The following ZFHX2 variants were observed in gnomAD, a reference collection of about 807,000 sequenced individuals.
The protein encoded by ZFHX2 is zinc finger homeobox protein 2.
In ZFHX2, 75 loss-of-function variants were observed where a neutral mutation model predicts 164.8. That is an observed-to-expected ratio of 0.46 (90% CI 0.38 to 0.55). The LOEUF is 0.55. Ranked by LOEUF, ZFHX2 falls within the 20% of genes least tolerant of loss-of-function variation. The pLI, the probability that ZFHX2 is intolerant of heterozygous loss-of-function variation, is 0.00. For synonymous variants in ZFHX2, 1,217 were observed against 1,351.4 expected (o/e 0.90, Z 2.18); for missense variants, 2,933 against 3,308.0 (o/e 0.89, Z 2.78).
At chr14:23,530,632 A>G in intron 4 of ZFHX2, 1 of 354,632 alleles carries the variant, frequency 2.8e-6, no homozygotes, top group Non-Finnish European at 5.5e-6. Flanking sequence ...ATTACCGCTC[A>G]AGTAAGAATT....
chr14:23,523,872 T>C lies in ZFHX2; in HGVS notation c.6070A>G (p.Ser2024Gly), dbSNP rs1421609771. The change falls in exon 9 of 10, where the codon AGT becomes GGT. Residue 2024 changes from serine (S) to glycine (G), a missense_variant. Transcript: ENST00000419474. This position sits in a 1 kb window ranked among gnomAD's most constrained non-coding sequence, Gnocchi z 4.1. ...TCACTCAGATCTCCTGCAGAGAGAC[T>C]GCAAGCCTCACTCTCTGGAGAAGCT... ...PKASPESEAC[S>G]LSAGDLSDSS... 2.0e-6 allele frequency: 3 copies of C among 1,536,186 alleles called. No individual in the cohort carries two copies. The highest frequency in any genetic ancestry group is 1.2e-5 in the South Asian group (1 of 84,064).
At position 23,533,574 on chromosome 14, in the gene ZFHX2, C is replaced by T; in HGVS notation, c.1752G>A (p.Leu584=). ...GCTTCTCAGAGGTCATATGGATGCG[C>T]AGGTTACGGGAGATGTTTGTCTCGT... The part of the protein sequence containing the change: ...CSYETNISRN[L]RIHMTSEKHM... The change falls in exon 2 of 10, where the codon CTG becomes CTA. Residue 584 remains leucine (L), a synonymous_variant. Transcript: ENST00000419474. This position sits in a 1 kb window ranked among gnomAD's most constrained non-coding sequence, Gnocchi z 4.8. The T allele has an allele frequency of 1.3e-6, 2 of 1,536,568 alleles. No homozygotes were observed. The highest frequency in any genetic ancestry group is 8.7e-7 in the Non-Finnish European group (1 of 1,147,008).
At position 23,526,896 on chromosome 14, in the gene ZFHX2, T is replaced by A. The variant is rs1160259601; in HGVS notation, c.3213A>T (p.Glu1071Asp). 1 of 1,534,280 alleles carries A rather than the reference T, an allele frequency of 6.5e-7. No individual in the cohort carries two copies. Among genetic ancestry groups the A allele is most frequent in the Non-Finnish European group, 8.7e-7 (1 of 1,146,238 alleles). ...PTLSPLDNGQEPPTHGPEPTP... is the reference protein window; with the variant it reads ...PTLSPLDNGQDPPTHGPEPTP... ...TAGGCTCTGGCCCATGAGTGGGGGG[T>A]TCTTGGCCATTGTCCAGAGGGCTTA... is the stretch of plus-strand genomic sequence containing the variant. The change falls in exon 8 of 10, where the codon GAA becomes GAT. Residue 1071 changes from glutamate (E) to aspartate (D), a missense_variant. Glu to Asp is a conservative substitution (Grantham distance 45, BLOSUM62 2). Transcript: ENST00000419474.
At chr14:23,544,519 G>T (rs1307111866) in intron 1 of ZFHX2, among the ~76,000 whole-genome samples, 2 of 152,206 alleles carry the variant, frequency 1.3e-5, no homozygotes, top group African/African-American at 4.8e-5. Flanking sequence ...GAAGGTGCTT[G>T]TTCTCCCTGG....
In ZFHX2 at chr14:23,521,726, A is replaced by G. The variant is rs1878017636; in HGVS notation, c.*236T>C. The G allele has an allele frequency of 3.1e-6, 2 of 645,442 alleles. No individual in the cohort carries two copies. The highest frequency in any genetic ancestry group is 4.7e-5 in the South Asian group (2 of 42,880). The allele number at this position is 645,442 out of a possible 1,614,324, so 40.0% of individuals were successfully genotyped here. ...GTGTCTGTGAAGATGGGCAAGGGCT[A>G]CATCTGCAAGGAGCTGAGGAGGAGG... On this transcript the variant is annotated 3_prime_UTR_variant, in exon 10 of 10. Coordinates refer to ENST00000419474, the MANE Select transcript of ZFHX2 (RefSeq NM_033400.3).
In ZFHX2 at chr14:23,522,513, G is replaced by A; in HGVS notation, c.7168C>T (p.Gln2390Ter). Residue 2390 changes from glutamine (Q) to a stop codon, truncating the protein, a stop_gained, in exon 10 of 10, where the codon CAG (glutamine) becomes TAG (stop). Coordinates refer to ENST00000419474, the MANE Select transcript of ZFHX2 (RefSeq NM_033400.3). LOFTEE classifies it high-confidence loss of function. ...TTGGGGAGCAGCCCAATGAGGGTCT[G>A]AGGTATCATGGGGTTCATGGGAAAT... ...GLFPMNPMIPQTLIGLLPNAL... is the reference protein window; with the variant it reads ...GLFPMNPMIP The A allele has an allele frequency of 2.0e-6, 3 of 1,531,702 alleles. No homozygotes were observed. The highest frequency in any genetic ancestry group is 2.6e-6 in the Non-Finnish European group (3 of 1,143,848). The allele number at this position is 1,531,702 out of a possible 1,614,324, so 94.9% of individuals were successfully genotyped here.
chr14:23,521,885 G>A lies in ZFHX2; in HGVS notation c.*77C>T. On this transcript the variant is annotated 3_prime_UTR_variant, in exon 10 of 10. Transcript: ENST00000419474. ...GGCCAGGGGGTGGGGTGAGGGATTTGAGCTCCCACCGAACACCCCTTGGGG... is the reference window on the plus strand; with the variant it reads ...GGCCAGGGGGTGGGGTGAGGGATTTAAGCTCCCACCGAACACCCCTTGGGG... 6.6e-7 allele frequency: 1 copy of A among 1,515,026 alleles called. No homozygotes were observed. Among genetic ancestry groups the A allele is most frequent in the Non-Finnish European group, 8.8e-7 (1 of 1,137,256 alleles). 93.8% of individuals were successfully genotyped at this position (1,515,026 alleles called of 1,614,324 possible). A position where few individuals can be genotyped will look rare whatever the true frequency, so the allele number is the denominator to read the frequency against.
Position 23,533,949 on chromosome 14 carries a change from G to A in ZFHX2, c.1377C>T (p.Asn459=), listed in dbSNP as rs1425806308. The change falls in exon 2 of 10, where the codon AAC becomes AAT. Residue 459 remains asparagine (N), a synonymous_variant. Transcript: ENST00000419474. The surrounding 1 kb of genome is among the most constrained non-coding windows in gnomAD (Gnocchi z 4.8). ...SCKTLKCPKC[N]WHYKYQQTLD... ...GGGTCTGCTGGTACTTGTAGTGCCA[G>A]TTGCACTTGGGACACTTGAGTGTCT... 5 of 1,537,898 alleles carry A rather than the reference G, an allele frequency of 3.3e-6. No homozygotes were observed. Among genetic ancestry groups the A allele is most frequent in the Non-Finnish European group, 4.4e-6 (5 of 1,147,070 alleles).
intron 1 of ZFHX2, among the ~76,000 whole-genome samples, chr14:23,550,142 G>A (rs1023792783): frequency 1.8e-4 from 28 of 152,240 alleles, no homozygotes; most frequent in Admixed American, 2.0e-4. Flanking sequence ...CAGAAGGTGA[G>A]GTTCTGATGA....
Position 23,521,805 on chromosome 14 carries a change from G to T in ZFHX2, c.*157C>A. ...AGGAGGCAGGACTCTGCTGGAAGTG[G>T]GGTGTGTGGTGCCCACTGAGGGTGG... On this transcript the variant is annotated 3_prime_UTR_variant, in exon 10 of 10. Transcript: ENST00000419474. 7.7e-7 allele frequency: 1 copy of T among 1,293,048 alleles called. No homozygotes were observed. Among genetic ancestry groups the T allele is most frequent in the Non-Finnish European group, 1.0e-6 (1 of 970,374 alleles). 80.1% of individuals were successfully genotyped at this position (1,293,048 alleles called of 1,614,324 possible).
chr14:23,531,769 G>A (rs1259154705), intron 3 of ZFHX2, 48 bp from the exon 4 acceptor site: 2 of 1,276,922 alleles, frequency 1.6e-6, no homozygotes, highest in African/African-American at 3.1e-5. Context: ...GGACATGCCA[G>A]ACCTCAGGGG....
In ZFHX2 at chr14:23,535,078, C is replaced by G. The variant is rs1879999566; in HGVS notation, c.248G>C (p.Gly83Ala). 6.5e-7 allele frequency: 1 copy of G among 1,536,114 alleles called. No individual in the cohort carries two copies. Among genetic ancestry groups the G allele is most frequent in the Non-Finnish European group, 8.7e-7 (1 of 1,146,916 alleles). The change falls in exon 2 of 10, where the codon GGT (glycine) becomes GCT (alanine). Residue 83 changes from glycine (G) to alanine (A), a missense_variant. Gly to Ala is a moderately conservative substitution (Grantham distance 60). Coordinates refer to ENST00000419474, the MANE Select transcript of ZFHX2 (RefSeq NM_033400.3). The surrounding 1 kb of genome is among the most constrained non-coding windows in gnomAD (Gnocchi z 4.5). ...CCCTGGGTCATTTGGTGGGAAGTGA[C>G]CACAGTCAGGCCCTTCCTGGGGCTC... ...IGEPQEGPDC[G>A]HFPPNDPGVE... is the part of the protein sequence containing the mutation.
At position 23,531,600 on chromosome 14, in the gene ZFHX2, TG is replaced by T; in HGVS notation, c.2680del (p.His894ThrfsTer30). 1 of 1,526,076 alleles carries T rather than the reference TG, an allele frequency of 6.6e-7. No individual in the cohort carries two copies. Among genetic ancestry groups the T allele is most frequent in the Non-Finnish European group, 8.8e-7 (1 of 1,140,964 alleles). The allele number at this position is 1,526,076 out of a possible 1,614,324, so 94.5% of individuals were successfully genotyped here. ...AVLQHLRTPA[H>X]RDAQAQRRLQ... ...ACGCCTCTGGGCCTGGGCATCGCGGTGGGCAGGTGTGCGCAGGTGTTGCAGC... is the reference window on the plus strand; with the variant it reads ...ACGCCTCTGGGCCTGGGCATCGCGGTGGCAGGTGTGCGCAGGTGTTGCAGC... On this transcript the variant is annotated frameshift_variant, in exon 4 of 10. Transcript: ENST00000419474. LOFTEE classifies it high-confidence loss of function.
rs2138644410 is a variant in ZFHX2 at position 23,522,338 on chromosome 14, G to A, written c.7343C>T (p.Thr2448Ile). 1 of 1,535,058 alleles carries A rather than the reference G, an allele frequency of 6.5e-7. No homozygotes were observed. Among genetic ancestry groups the A allele is most frequent in the Non-Finnish European group, 8.7e-7 (1 of 1,146,332 alleles). ...GSTGISTVDV[T>I]HRYLCRQCKM... ...GCACTGGCGGCACAGGTAGCGATGGGTTACATCCACGGTGGAGATGCCAGT... is the reference window on the plus strand; with the variant it reads ...GCACTGGCGGCACAGGTAGCGATGGATTACATCCACGGTGGAGATGCCAGT... Residue 2448 changes from threonine (T) to isoleucine (I), a missense_variant, in exon 10 of 10, where the codon ACC (threonine) becomes ATC (isoleucine). Physicochemically the swap from Thr to Ile is moderately conservative, Grantham distance 89 (BLOSUM62 -1). Coordinates refer to ENST00000419474, the MANE Select transcript of ZFHX2 (RefSeq NM_033400.3).
At position 23,521,957 on chromosome 14, in the gene ZFHX2, T is replaced by G; in HGVS notation, c.*5A>C. 1 of 1,536,106 alleles carries G rather than the reference T, an allele frequency of 6.5e-7. No individual in the cohort carries two copies. ...CCTCCCCTCTCCCCATCTTGGTTAA[T>G]CTGTTTATAAAGCTAGAAGTGTAGA... On this transcript the variant is annotated 3_prime_UTR_variant, in exon 10 of 10. Transcript: ENST00000419474.
chr14:23,524,900 C>T lies in ZFHX2; in HGVS notation c.5042G>A (p.Cys1681Tyr). The T allele has an allele frequency of 6.5e-7, 1 of 1,536,360 alleles. No individual in the cohort carries two copies. Among genetic ancestry groups the T allele is most frequent in the Non-Finnish European group, 8.7e-7 (1 of 1,146,946 alleles). ...GCRRCHATFS[C>Y]VFELVRHLKK... ...GAGGTGGCGCACCAACTCAAAAACA[C>T]AGGAGAAAGTGGCGTGGCAACGCCT... The change falls in exon 9 of 10, where the codon TGT becomes TAT. Residue 1681 changes from cysteine to tyrosine, a missense_variant. Physicochemically the swap from Cys to Tyr is radical, Grantham distance 194. Coordinates refer to ENST00000419474, the MANE Select transcript of ZFHX2 (RefSeq NM_033400.3). The surrounding 1 kb of genome is among the most constrained non-coding windows in gnomAD (Gnocchi z 5.6).
intron 1 of ZFHX2, among the ~76,000 whole-genome samples, chr14:23,540,239 C>T (rs1880651828): frequency 6.6e-6 from 1 of 152,250 alleles, no homozygotes; most frequent in Non-Finnish European, 1.5e-5. Context: ...AATCTGCCCG[C>T]TTTGGCCTCC....
intron 7 of ZFHX2, among the ~76,000 whole-genome samples, chr14:23,527,390 A>T (rs1466173039): frequency 1.4e-4 from 22 of 152,212 alleles, no homozygotes; most frequent in Admixed American, 1.4e-3. Context: ...TTGCCAACAC[A>T]TGCACTTGCC....
At chr14:23,542,645 A>G (rs560002141) in intron 1 of ZFHX2, among the ~76,000 whole-genome samples, 2 of 152,172 alleles carry the variant, frequency 1.3e-5, no homozygotes, top group African/African-American at 2.4e-5. Flanking sequence ...ATGAGCACTC[A>G]GGGAGTTGTC....
Sources: gnomAD v4.1 joint callset for allele counts (sites outside exome capture counted in the v4.1 genomes callset) on GRCh38, gnomAD v4.1.1 for gene constraint, Gnocchi (gnomAD v3.1) non-coding constraint, MANE v1.5 for transcripts, NCBI Gene and HGNC (gene_info 2026-07-23, HGNC 2026-07-21) for gene names.